The following LONP2 variants were observed in gnomAD, a reference collection of about 807,000 sequenced individuals.
LONP2 encodes the protein lon protease homolog 2, peroxisomal.
LONP2 carries 60 observed loss-of-function variants against 85.6 expected under a neutral mutation model. That is an observed-to-expected ratio of 0.70 (90% CI 0.57 to 0.87). LONP2 has a LOEUF of 0.87. Among genes scored for constraint, LONP2 ranks in the 40% least tolerant of loss-of-function variants. The probability of loss-of-function intolerance (pLI) is 0.00; values close to 1 mark genes in which losing one functional copy is unlikely to be tolerated. For missense variants in LONP2, 860 were observed against 1,063.5 expected, an observed-to-expected ratio of 0.81 and a Z score of 2.66; for synonymous variants, 395 against 389.7, an observed-to-expected ratio of 1.01 and a Z score of -0.16.
intron 3 of LONP2, among the ~76,000 whole-genome samples, chr16:48,257,054 G>A (rs1971774730): frequency 6.6e-6 from 1 of 152,214 alleles, no homozygotes; most frequent in Non-Finnish European, 1.5e-5. Flanking sequence ...GCTCACGCCT[G>A]TAGTCCCAGC....
intron 9 of LONP2, among the ~76,000 whole-genome samples, chr16:48,296,865 G>A (rs771226095): frequency 1.3e-5 from 2 of 151,796 alleles, no homozygotes; most frequent in Admixed American, 6.6e-5. Context: ...TCACTGGAGC[G>A]TGCAAAATGT....
intron 4 of LONP2, among the ~76,000 whole-genome samples, chr16:48,261,098 G>T (rs1184170733): frequency 6.6e-6 from 1 of 152,168 alleles, no homozygotes; most frequent in African/African-American, 2.4e-5. Context: ...AATAGTGGCT[G>T]CAATAGTAGC....
At chr16:48,317,371 A>G (rs891050401) in intron 11 of LONP2, among the ~76,000 whole-genome samples, 9 of 152,210 alleles carry the variant, frequency 5.9e-5, no homozygotes, top group Non-Finnish European at 1.3e-4. Flanking sequence ...TTTTGACTAA[A>G]TGTTTTATGA....
At chr16:48,316,388 G>A (rs866749364) in intron 11 of LONP2, among the ~76,000 whole-genome samples, 78 of 144,346 alleles carry the variant, frequency 5.4e-4, no homozygotes, top group Non-Finnish European at 7.6e-4. Context: ...ATGCAGTGGC[G>A]TGACCTTGGC....
Position 48,244,326 on chromosome 16 carries a change from C to A in LONP2, c.-63C>A. 1 of 1,257,812 alleles carries A rather than the reference C, an allele frequency of 8.0e-7. No individual in the cohort carries two copies. The highest frequency in any genetic ancestry group is 1.1e-6 in the Non-Finnish European group (1 of 939,242). The allele number at this position is 1,257,812 out of a possible 1,614,324, so 77.9% of individuals were successfully genotyped here. A position where few individuals can be genotyped will look rare whatever the true frequency, so the allele number is the denominator to read the frequency against. The stretch of plus-strand genomic sequence containing the variant: ...GGTCTGAGGTTTGGTGACTGCGGGG[C>A]AGGCCGGGGGCAGCTGTCTGTCTGG... On this transcript the variant is annotated 5_prime_UTR_variant, in exon 1 of 15. Coordinates refer to ENST00000285737, the MANE Select transcript of LONP2 (RefSeq NM_031490.5).
At chr16:48,268,168 A>G (rs965990632) in intron 6 of LONP2, among the ~76,000 whole-genome samples, 1 of 152,202 alleles carries the variant, frequency 6.6e-6, no homozygotes, top group South Asian at 2.1e-4. Context: ...CTGAATCATT[A>G]AAGAGAATAA....
rs1343636176 is a variant in LONP2 at position 48,351,600 on chromosome 16, A to G, written c.2357A>G (p.Lys786Arg). ...TTACAGGTGGGTGGAATTAAAGACAAAGTGCTGGCGGCACACAGAGCGGGA... is the reference window on the plus strand; with the variant it reads ...TTACAGGTGGGTGGAATTAAAGACAGAGTGCTGGCGGCACACAGAGCGGGA... ...LVLPVGGIKDKVLAAHRAGLK... is the reference protein window; with the variant it reads ...LVLPVGGIKDRVLAAHRAGLK... The change falls in exon 15 of 15, where the codon AAA (lysine) becomes AGA (arginine). Residue 786 changes from lysine to arginine, a missense_variant. Lys to Arg is a conservative substitution (Grantham distance 26). Transcript: ENST00000285737. 3.7e-6 allele frequency: 6 copies of G among 1,613,972 alleles called. No individual in the cohort carries two copies. The highest frequency in any genetic ancestry group is 5.1e-6 in the Non-Finnish European group (6 of 1,179,886).
intron 8 of LONP2, among the ~76,000 whole-genome samples, 178 bp from the exon 9 acceptor site, chr16:48,295,837 A>G (rs1369869671): frequency 6.6e-6 from 1 of 152,204 alleles, no homozygotes; most frequent in Non-Finnish European, 1.5e-5. Context: ...TATTTTTTAA[A>G]AAGTATGTAG....
At chr16:48,320,635 G>A (rs1167585367) in intron 11 of LONP2, among the ~76,000 whole-genome samples, 1 of 152,090 alleles carries the variant, frequency 6.6e-6, no homozygotes, top group Non-Finnish European at 1.5e-5. Flanking sequence ...ATCAGGCGGT[G>A]GTCTAACGTT....
chr16:48,336,682 C>T (rs1201928428), intron 12 of LONP2, among the ~76,000 whole-genome samples: 1 of 152,126 alleles, frequency 6.6e-6, no homozygotes, highest in Non-Finnish European at 1.5e-5. Flanking sequence ...CTAGGTTAAT[C>T]GCTCAGTTAA....
intron 7 of LONP2, among the ~76,000 whole-genome samples, chr16:48,271,032 T>G (rs955653606): frequency 6.6e-6 from 1 of 152,072 alleles, no homozygotes; most frequent in African/African-American, 2.4e-5. Flanking sequence ...ATTAAAAAAT[T>G]ATGCAGGCAC....
In LONP2 at chr16:48,296,170, C is replaced by T. The variant is rs201534878; in HGVS notation, c.1534+5C>T. The T allele has an allele frequency of 3.2e-4, 515 of 1,613,686 alleles. 4 individuals carry two copies. In the South Asian group the frequency reaches 5.4e-3, roughly 17 times the overall value. On this transcript the variant is annotated splice_donor_5th_base_variant and intron_variant, in intron 9 of 14. Transcript: ENST00000285737. ...TGGAGATCATTCAGGTTCCAGGTAC[C>T]TGACTCTTAAATCATTATGATACAT...
Position 48,362,555 on chromosome 16 carries a change from G to A in LONP2, c.*692G>A, listed in dbSNP as rs1355323683. The A allele has an allele frequency of 1.2e-5, 11 of 890,412 alleles. No homozygotes were observed. Among genetic ancestry groups the A allele is most frequent in the Non-Finnish European group, 1.9e-5 (11 of 585,798 alleles). The allele number at this position is 890,412 out of a possible 1,614,324, so 55.2% of individuals were successfully genotyped here. On this transcript the variant is annotated 3_prime_UTR_variant, in exon 5 of 5. Coordinates refer to the LONP2 transcript ENST00000565867. The surrounding 1 kb of genome is among the most constrained non-coding windows in gnomAD (Gnocchi z 4.2). ...CAAAATTTACTGAGCAAAAGAGGAAGAAAAATAGGATTAAAAAAGATATTA... is the reference window on the plus strand; with the variant it reads ...CAAAATTTACTGAGCAAAAGAGGAAAAAAAATAGGATTAAAAAAGATATTA...
chr16:48,262,736 CTG>C, intron 5 of LONP2, 40 bp from the exon 6 acceptor site: 4 of 1,267,842 alleles, frequency 3.2e-6, no homozygotes, highest in Non-Finnish European at 4.5e-6. Context: ...TGGAATTTTT[CTG>C]TGTTCTTGAA....
chr16:48,248,819 C>T (rs1202535937), intron 1 of LONP2, among the ~76,000 whole-genome samples: 2 of 149,288 alleles, frequency 1.3e-5, no homozygotes, highest in Admixed American at 6.8e-5. Context: ...GTGATCGAAG[C>T]TGCAGTGAGC....
At chr16:48,324,706 G>T (rs932579892) in intron 11 of LONP2, among the ~76,000 whole-genome samples, 5 of 152,060 alleles carry the variant, frequency 3.3e-5, no homozygotes, top group Non-Finnish European at 7.4e-5. Flanking sequence ...GACTCTTTTG[G>T]TAAGGCCCTA....
At chr16:48,297,697 G>A (rs1972704792) in intron 9 of LONP2, among the ~76,000 whole-genome samples, 1 of 148,722 alleles carries the variant, frequency 6.7e-6, no homozygotes, top group African/African-American at 2.5e-5. Context: ...ATTATAATTG[G>A]ATTTCTGTTT....
chr16:48,329,256 C>T (rs1246608848), intron 11 of LONP2, among the ~76,000 whole-genome samples: 1 of 152,268 alleles, frequency 6.6e-6, no homozygotes, highest in Admixed American at 6.5e-5. Flanking sequence ...ATAATCCACT[C>T]GTAAGTTTTA....
At chr16:48,262,698 AAG>A (rs1971903024) in intron 5 of LONP2, 78 bp from the exon 6 acceptor site, 1 of 849,106 alleles carries the variant, frequency 1.2e-6, no homozygotes, top group South Asian at 1.6e-5. Flanking sequence ...CTAACCAAGA[AAG>A]AGAGCTGTGT....
Sources: gnomAD v4.1 joint callset for allele counts (sites outside exome capture counted in the v4.1 genomes callset) on GRCh38, gnomAD v4.1.1 for gene constraint, Gnocchi (gnomAD v3.1) non-coding constraint, MANE v1.5 for transcripts, NCBI Gene and HGNC (gene_info 2026-07-23, HGNC 2026-07-21) for gene names.